STK32B: variants seen among roughly 807,000 people sequenced by gnomAD.
The protein encoded by STK32B is serine/threonine-protein kinase 32B.
Under a neutral mutation model 52.6 loss-of-function variants are expected in STK32B, and 43 were observed. The ratio of observed to expected loss-of-function variants is 0.82; its 90% confidence interval spans 0.64 to 1.05. The LOEUF (loss-of-function observed/expected upper bound fraction) is 1.05. Ranked by LOEUF, STK32B falls within the 50% of genes least tolerant of loss-of-function variation. STK32B has a pLI of 0.00. For missense variants in STK32B, 621 were observed against 534.6 expected, an observed-to-expected ratio of 1.16 and a Z score of -1.59; for synonymous variants, 238 against 204.3, an observed-to-expected ratio of 1.17 and a Z score of -1.41.
intron 4 of STK32B, among the ~76,000 whole-genome samples, chr4:5,389,930 C>G (rs966583137): frequency 2.6e-5 from 4 of 152,124 alleles, no homozygotes; most frequent in Non-Finnish European, 4.4e-5. Flanking sequence ...GGAGATGCAG[C>G]TGCAGGAGCA....
At position 5,400,581 on chromosome 4, in the gene STK32B, A is replaced by G. The variant is rs1403760988; in HGVS notation, c.472+2337A>G. 6.6e-6 allele frequency among the ~76,000 whole-genome samples: 1 copy of G among 152,196 alleles called. No homozygotes were observed. Among genetic ancestry groups the G allele is most frequent in the South Asian group, 2.1e-4 (1 of 4,820 alleles). The stretch of plus-strand genomic sequence containing the variant: ...TTTCATACTGTGAGGTGAATGGCTG[A>G]TAACCCTTCCCCACTCCAACACTCA... On this transcript the variant is annotated intron_variant, in intron 5 of 11. Transcript: ENST00000282908. This position sits in a 1 kb window ranked among gnomAD's most constrained non-coding sequence, Gnocchi z 6.1.
intron 3 of STK32B, among the ~76,000 whole-genome samples, chr4:5,193,213 G>A (rs561114988): frequency 6.6e-6 from 1 of 152,244 alleles, no homozygotes; most frequent in East Asian, 1.9e-4. Context: ...AGAGCATGTT[G>A]GAATCCGCTC....
intron 5 of STK32B, among the ~76,000 whole-genome samples, chr4:5,402,157 C>T (rs1191265002): frequency 3.9e-5 from 6 of 152,254 alleles, no homozygotes; most frequent in East Asian, 1.9e-4. Flanking sequence ...GGAGACAAAG[C>T]GAGTCACTTG....
At chr4:5,115,984 C>T (rs373549832) in intron 1 of STK32B, among the ~76,000 whole-genome samples, 12 of 152,294 alleles carry the variant, frequency 7.9e-5, no homozygotes, top group East Asian at 3.9e-4. Context: ...TCTTCTGCTA[C>T]GTGGCAGGAC....
At chr4:5,436,712 CTG>C in intron 6 of STK32B, 5 of 968,730 alleles carry the variant, frequency 5.2e-6, no homozygotes, top group Non-Finnish European at 6.1e-6. Context: ...CTGAATATCA[CTG>C]TGACAGTCAT....
chr4:5,031,589 C>CA, the STK32B span, among the ~76,000 whole-genome samples: 2,659 of 139,504 alleles, frequency 0.019, 61 homozygotes, highest in African/African-American at 0.055. Flanking sequence ...ACTCTGTCTC[C>CA]AAAAAAAAAA....
intron 2 of STK32B, among the ~76,000 whole-genome samples, chr4:5,148,100 T>C (rs1402593719): frequency 2.0e-5 from 3 of 151,922 alleles, no homozygotes; most frequent in South Asian, 2.1e-4. Flanking sequence ...TCAGATTTTG[T>C]GTTTTTTCGT....
At chr4:5,186,657 G>C (rs1345707938) in intron 3 of STK32B, among the ~76,000 whole-genome samples, 1 of 152,170 alleles carries the variant, frequency 6.6e-6, no homozygotes, top group Non-Finnish European at 1.5e-5. Flanking sequence ...CACAGAGATG[G>C]AGAATGTCCC....
chr4:5,108,321 A>G (rs1430104010), intron 1 of STK32B, among the ~76,000 whole-genome samples: 1 of 152,152 alleles, frequency 6.6e-6, no homozygotes, highest in Non-Finnish European at 1.5e-5. Flanking sequence ...AATCTCATAT[A>G]TGTCCTGCAC....
At position 5,498,925 on chromosome 4, in the gene STK32B, A is replaced by T. The variant is rs201362414; in HGVS notation, c.1107-20A>T. On this transcript the variant is annotated intron_variant, in intron 11 of 11. Coordinates refer to ENST00000282908, the MANE Select transcript of STK32B (RefSeq NM_018401.3). Reference sequence around the variant, plus strand: ...CAACCCCATGCCGCACCACTAACTCAGATCTGTGCTTGTTTGCAGGCTCAG... The same window carrying T: ...CAACCCCATGCCGCACCACTAACTCTGATCTGTGCTTGTTTGCAGGCTCAG... 4 of 1,606,634 alleles carry T rather than the reference A, an allele frequency of 2.5e-6. No individual in the cohort carries two copies. The East Asian group carries it at 9.0e-5, about 36-fold the overall frequency.
intron 3 of STK32B, among the ~76,000 whole-genome samples, chr4:5,294,815 T>C (rs1372566707): frequency 6.6e-6 from 1 of 152,162 alleles, no homozygotes; most frequent in Non-Finnish European, 1.5e-5. Context: ...CTGTGTTGTA[T>C]AGGAGTGGTG....
At chr4:5,117,791 C>G in intron 1 of STK32B, among the ~76,000 whole-genome samples, 1 of 151,692 alleles carries the variant, frequency 6.6e-6, no homozygotes, top group East Asian at 1.9e-4. Context: ...TTTCATGTTT[C>G]TTTTCTTCTG....
chr4:5,417,514 T>C (rs1453379893), intron 6 of STK32B, among the ~76,000 whole-genome samples: 2 of 152,206 alleles, frequency 1.3e-5, no homozygotes, highest in Admixed American at 1.3e-4. Flanking sequence ...CATTGTTATA[T>C]TTCTCTTCTC....
Position 5,344,675 on chromosome 4 carries a change from T to C in STK32B, c.434+13282T>C, listed in dbSNP as rs921322165. On this transcript the variant is annotated intron_variant, in intron 4 of 11. Coordinates refer to ENST00000282908, the MANE Select transcript of STK32B (RefSeq NM_018401.3). The stretch of plus-strand genomic sequence containing the variant: ...TTTGTTTTTTCCATTTTTTTCTTTT[T>C]GGCAAACTTTGTCAGAATTTTTTTT... Among the ~76,000 whole-genome samples, 8 of 150,188 alleles carry C rather than the reference T, an allele frequency of 5.3e-5. No individual in the cohort carries two copies. The South Asian group carries it at 1.5e-3, about 28-fold the overall frequency.
At chr4:5,449,112 AG>A (rs1433892405) in intron 7 of STK32B, among the ~76,000 whole-genome samples, 2 of 152,150 alleles carry the variant, frequency 1.3e-5, no homozygotes, top group Non-Finnish European at 2.9e-5. Context: ...GAGGCCGAGG[AG>A]GGCGGATCAC....
intron 3 of STK32B, among the ~76,000 whole-genome samples, chr4:5,188,952 T>A (rs1384928219): frequency 6.6e-6 from 1 of 151,842 alleles, no homozygotes; most frequent in African/African-American, 2.4e-5. Context: ...ACATGGCACA[T>A]GTATACCTAT....
chr4:5,099,203 C>T (rs1292555001), intron 1 of STK32B, among the ~76,000 whole-genome samples: 28 of 152,128 alleles, frequency 1.8e-4, no homozygotes, highest in Admixed American at 1.8e-3. Flanking sequence ...TGACTCAGAC[C>T]CTTACAATTC....
At chr4:5,211,677 G>T (rs1376215013) in intron 3 of STK32B, among the ~76,000 whole-genome samples, 1 of 152,182 alleles carries the variant, frequency 6.6e-6, no homozygotes, top group Non-Finnish European at 1.5e-5. Flanking sequence ...AACTCACCAT[G>T]TGCAATGACC....
chr4:5,345,170 A>T (rs902155263), intron 4 of STK32B, among the ~76,000 whole-genome samples: 3 of 151,370 alleles, frequency 2.0e-5, no homozygotes, highest in African/African-American at 7.3e-5. Context: ...ATTCAATAAG[A>T]AAATTTTAAA....
Sources: gnomAD v4.1 joint callset for allele counts (sites outside exome capture counted in the v4.1 genomes callset) on GRCh38, gnomAD v4.1.1 for gene constraint, Gnocchi (gnomAD v3.1) non-coding constraint, MANE v1.5 for transcripts, NCBI Gene and HGNC (gene_info 2026-07-23, HGNC 2026-07-21) for gene names.